The following LRRC4C variants were observed in gnomAD, a reference collection of about 807,000 sequenced individuals.
LRRC4C encodes leucine rich repeat containing 4C.
LRRC4C carries 5 observed loss-of-function variants against 33.6 expected under a neutral mutation model. The ratio of observed to expected loss-of-function variants is 0.15; its 90% CI spans 0.08 to 0.31. The LOEUF is 0.31. LRRC4C is among the 10% of genes least tolerant of loss of function. LRRC4C has a pLI of 1.00. For missense variants in LRRC4C, 560 were observed against 796.7 expected (o/e 0.70, Z 3.58); for synonymous variants, 329 against 302.0 (o/e 1.09, Z -0.93).
At chr11:40,673,497 T>A (rs1944235913) in intron 2 of LRRC4C, among the ~76,000 whole-genome samples, 1 of 152,176 alleles carries the variant, frequency 6.6e-6, no homozygotes, top group South Asian at 2.1e-4. Flanking sequence ...TTAATTTTTT[T>A]AACAAAAACT....
chr11:40,585,343 C>T (rs1958673297), intron 3 of LRRC4C, among the ~76,000 whole-genome samples: 1 of 152,020 alleles, frequency 6.6e-6, no homozygotes, highest in Non-Finnish European at 1.5e-5. Context: ...TGAGAGGGAA[C>T]ACAAGGAAGA....
intron 1 of LRRC4C, among the ~76,000 whole-genome samples, chr11:41,220,529 G>GACCTAC (rs1947258245): frequency 1.1e-5 from 1 of 88,478 alleles, no homozygotes; most frequent in African/African-American, 4.4e-5. Flanking sequence ...TAAACACACA[G>GACCTAC]ACATACACAC....
chr11:40,842,044 C>T (rs529088571), intron 2 of LRRC4C, among the ~76,000 whole-genome samples: 2 of 152,340 alleles, frequency 1.3e-5, no homozygotes, highest in Non-Finnish European at 2.9e-5. Flanking sequence ...GTTTCTTGCA[C>T]TTCAGGCTTG....
intron 2 of LRRC4C, among the ~76,000 whole-genome samples, chr11:40,740,032 T>A (rs181018207): frequency 6.6e-6 from 1 of 151,950 alleles, no homozygotes; most frequent in African/African-American, 2.4e-5. Context: ...ATATGTGTAA[T>A]ATAAATATTA....
intron 4 of LRRC4C, among the ~76,000 whole-genome samples, chr11:40,302,973 T>C (rs990249681): frequency 6.6e-6 from 1 of 152,176 alleles, no homozygotes; most frequent in Non-Finnish European, 1.5e-5. Context: ...GGGAAGAAGA[T>C]AAAATGCCAA....
At chr11:40,658,431 A>C (rs557692109) in intron 2 of LRRC4C, among the ~76,000 whole-genome samples, 1 of 152,314 alleles carries the variant, frequency 6.6e-6, no homozygotes, top group East Asian at 1.9e-4. Flanking sequence ...GTTCATGTCA[A>C]GTCAGTATGC....
At chr11:41,238,833 T>A (rs1217538420) in intron 1 of LRRC4C, among the ~76,000 whole-genome samples, 1 of 152,176 alleles carries the variant, frequency 6.6e-6, no homozygotes, top group Non-Finnish European at 1.5e-5. Flanking sequence ...ACAAAGGTTA[T>A]CGTTCCTCCA....
chr11:40,817,154 C>G (rs985087936), intron 2 of LRRC4C, among the ~76,000 whole-genome samples: 3 of 152,170 alleles, frequency 2.0e-5, no homozygotes, highest in Admixed American at 6.6e-5. Context: ...ACTCAGAAAA[C>G]TTTCCTGCCA....
In LRRC4C at chr11:41,312,907, A is replaced by G. The variant is rs1042451481; in HGVS notation, c.-496+146524T>C. ...CAGTATACATAAAACGCTTCCATCA[A>G]TGAGTGTCCACATGAAACATCACAA... On this transcript the variant is annotated intron_variant, in intron 1 of 6. Transcript: ENST00000528697. Among the ~76,000 whole-genome samples the G allele has an allele frequency of 5.3e-5, 8 of 152,314 alleles. No individual in the cohort carries two copies. In the South Asian group the frequency reaches 8.3e-4, roughly 16 times the overall value.
chr11:40,755,741 T>C (rs1376287198), intron 2 of LRRC4C, among the ~76,000 whole-genome samples: 2 of 152,068 alleles, frequency 1.3e-5, no homozygotes, highest in African/African-American at 4.8e-5. Context: ...GAGAGAGCAG[T>C]TGTGAAACTA....
intron 2 of LRRC4C, among the ~76,000 whole-genome samples, chr11:40,684,748 T>A (rs1163834682): frequency 6.6e-6 from 1 of 151,918 alleles, no homozygotes; most frequent in Non-Finnish European, 1.5e-5. Context: ...ATATATTACA[T>A]GCAAATGAGG....
intron 3 of LRRC4C, among the ~76,000 whole-genome samples, chr11:40,461,709 T>G (rs900508330): frequency 6.7e-6 from 1 of 148,258 alleles, no homozygotes; most frequent in Non-Finnish European, 1.5e-5. Context: ...TTATTATATC[T>G]TATACATATA....
intron 3 of LRRC4C, among the ~76,000 whole-genome samples, chr11:40,415,305 A>G (rs778204443): frequency 6.6e-6 from 1 of 152,180 alleles, no homozygotes; most frequent in Non-Finnish European, 1.5e-5. Context: ...GGCTTGGTTT[A>G]ATGCTCTCTC....
intron 2 of LRRC4C, among the ~76,000 whole-genome samples, chr11:40,655,045 T>C (rs1943029516): frequency 6.6e-6 from 1 of 152,204 alleles, no homozygotes; most frequent in Non-Finnish European, 1.5e-5. Flanking sequence ...TGCAGAAATG[T>C]GAGTCAATTA....
chr11:41,353,264 C>A (rs1952045990), intron 1 of LRRC4C, among the ~76,000 whole-genome samples: 1 of 151,792 alleles, frequency 6.6e-6, no homozygotes, highest in Non-Finnish European at 1.5e-5. Flanking sequence ...AACTAGAAAA[C>A]CTAAAAGAAA....
intron 1 of LRRC4C, among the ~76,000 whole-genome samples, chr11:41,204,053 C>T (rs1251802967): frequency 6.6e-6 from 1 of 151,764 alleles, no homozygotes; most frequent in Non-Finnish European, 1.5e-5. Context: ...GATGGCAAAA[C>T]TAAAATAGGT....
intron 2 of LRRC4C, among the ~76,000 whole-genome samples, chr11:40,688,912 A>G (rs1945094703): frequency 6.6e-6 from 1 of 152,122 alleles, no homozygotes; most frequent in Non-Finnish European, 1.5e-5. Context: ...TAGAGGTTAC[A>G]GCATGTACTT....
intron 1 of LRRC4C, among the ~76,000 whole-genome samples, chr11:41,290,905 A>G (rs559489974): frequency 3.4e-4 from 52 of 152,168 alleles, no homozygotes; most frequent in Admixed American, 2.6e-3. Flanking sequence ...GCCAAGAAAC[A>G]AATTATTTCT....
intron 1 of LRRC4C, among the ~76,000 whole-genome samples, chr11:41,056,976 GCCA>G (rs1590378306): frequency 6.6e-6 from 1 of 152,292 alleles, no homozygotes; most frequent in East Asian, 1.9e-4. Context: ...TGCCACTGCA[GCCA>G]CCCAAGCCAT....
Sources: allele counts gnomAD v4.1 joint callset (sites outside exome capture counted in the v4.1 genomes callset), GRCh38; gene constraint gnomAD v4.1.1; transcripts MANE v1.5; gene names NCBI Gene and HGNC (gene_info 2026-07-23, HGNC 2026-07-21).